Variants in NAV3 observed in about 807,000 individuals in gnomAD.
NAV3 encodes pore membrane and/or filament interacting like protein 1.
NAV3 carries 87 observed loss-of-function variants against 244.7 expected under a neutral mutation model. The ratio of observed to expected loss-of-function variants is 0.36; its 90% CI spans 0.30 to 0.42. The LOEUF is 0.42. Ranked by LOEUF, NAV3 falls within the 20% of genes least tolerant of loss-of-function variation. The pLI is 1.00. For missense variants in NAV3, 2,663 were observed against 2,893.3 expected (o/e 0.92, Z 1.83); for synonymous variants, 1,126 against 1,042.2 (o/e 1.08, Z -1.55).
At chr12:77,620,933 A>T (rs1158248698) in intron 2 of NAV3, among the ~76,000 whole-genome samples, 1 of 152,218 alleles carries the variant, frequency 6.6e-6, no homozygotes, top group East Asian at 1.9e-4. Flanking sequence ...GCTCAGAAAC[A>T]TCGGTGACAT....
intron 5 of NAV3, among the ~76,000 whole-genome samples, chr12:77,980,410 T>C (rs1019981373): frequency 8.5e-5 from 13 of 152,206 alleles, no homozygotes; most frequent in Admixed American, 2.0e-4. Flanking sequence ...TTTATAGATA[T>C]TCATCTTTTA....
chr12:77,949,083 C>T (rs1049917661), intron 3 of NAV3, among the ~76,000 whole-genome samples: 3 of 151,962 alleles, frequency 2.0e-5, no homozygotes, highest in African/African-American at 2.4e-5. Flanking sequence ...AATATATTGA[C>T]ATTCCTTGTT....
chr12:78,133,602 T>TA (rs1214975313), intron 18 of NAV3, among the ~76,000 whole-genome samples: 1 of 151,896 alleles, frequency 6.6e-6, no homozygotes, highest in Non-Finnish European at 1.5e-5. Context: ...AATTTTACTA[T>TA]AAAAAATCAC....
At chr12:77,870,061 G>A (rs1880702542) in intron 1 of NAV3, among the ~76,000 whole-genome samples, 1 of 152,100 alleles carries the variant, frequency 6.6e-6, no homozygotes, top group Non-Finnish European at 1.5e-5. Context: ...AAATGCAAAA[G>A]TAGTTGTATA....
chr12:77,996,978 C>T (rs1471966330), intron 6 of NAV3, among the ~76,000 whole-genome samples: 3 of 152,012 alleles, frequency 2.0e-5, no homozygotes, highest in East Asian at 1.9e-4. Flanking sequence ...CACGGTGGCT[C>T]ACGCCTGTAA....
At chr12:77,793,725 G>T (rs181343984) in intron 2 of NAV3, among the ~76,000 whole-genome samples, 188 of 152,268 alleles carry the variant, frequency 1.2e-3, no homozygotes, top group African/African-American at 4.4e-3. Context: ...GTCTATCATT[G>T]TTGGGCATTT....
intron 1 of NAV3, among the ~76,000 whole-genome samples, chr12:77,907,349 T>C (rs1198213432): frequency 6.6e-6 from 1 of 152,160 alleles, no homozygotes; most frequent in African/African-American, 2.4e-5. Flanking sequence ...TTTGTCTTTC[T>C]ACAGGTTGAA....
chr12:77,925,361 A>C (rs1211905180), intron 1 of NAV3, among the ~76,000 whole-genome samples: 1 of 152,284 alleles, frequency 6.6e-6, no homozygotes, highest in Non-Finnish European at 1.5e-5. Flanking sequence ...TTGTATATAA[A>C]CCGTATAAGT....
At chr12:77,879,107 C>G (rs1592872425) in intron 1 of NAV3, among the ~76,000 whole-genome samples, 1 of 152,042 alleles carries the variant, frequency 6.6e-6, no homozygotes, top group South Asian at 2.1e-4. Flanking sequence ...CCTATGCCAC[C>G]AAATACAGCT....
At chr12:77,598,094 AC>A (rs1368714676) in intron 2 of NAV3, among the ~76,000 whole-genome samples, 5 of 152,220 alleles carry the variant, frequency 3.3e-5, no homozygotes, top group Admixed American at 1.3e-4. Flanking sequence ...AAAAATAGAT[AC>A]CCATATACAT....
At chr12:77,853,025 C>T (rs924906598) in intron 1 of NAV3, among the ~76,000 whole-genome samples, 12 of 152,166 alleles carry the variant, frequency 7.9e-5, no homozygotes, top group African/African-American at 2.9e-4. Context: ...ATAGGCAAGA[C>T]ATATACTCAG....
chr12:77,635,640 T>A (rs1475643474), intron 2 of NAV3, among the ~76,000 whole-genome samples: 1 of 152,214 alleles, frequency 6.6e-6, no homozygotes, highest in Non-Finnish European at 1.5e-5. Flanking sequence ...TCTGGCTTAC[T>A]GAAGAGGCAC....
At chr12:77,951,403 TAA>T (rs1890863724) in intron 3 of NAV3, among the ~76,000 whole-genome samples, 1 of 152,074 alleles carries the variant, frequency 6.6e-6, no homozygotes, top group African/African-American at 2.4e-5. Flanking sequence ...TGGCGATCAT[TAA>T]AAAGTCAGGA....
At chr12:77,929,173 A>G (rs1022504630) in intron 1 of NAV3, among the ~76,000 whole-genome samples, 1 of 152,230 alleles carries the variant, frequency 6.6e-6, no homozygotes, top group African/African-American at 2.4e-5. Context: ...ATCATTAGTA[A>G]TATGTTAGAT....
chr12:78,129,581 T>C (rs544627748), intron 18 of NAV3, among the ~76,000 whole-genome samples: 7 of 152,196 alleles, frequency 4.6e-5, no homozygotes, highest in Admixed American at 2.6e-4. Flanking sequence ...ACAAAATAAT[T>C]AAAGAAAACT....
intron 2 of NAV3, among the ~76,000 whole-genome samples, chr12:77,755,585 C>CCTTTCCTTT (rs1565800367): frequency 2.2e-4 from 3 of 13,532 alleles, no homozygotes; most frequent in African/African-American, 1.5e-3. Context: ...TTCCTTTCCT[C>CCTTTCCTTT]CCTCCCTCCC....
intron 2 of NAV3, among the ~76,000 whole-genome samples, chr12:77,587,056 A>G (rs1384257026): frequency 6.6e-6 from 1 of 152,216 alleles, no homozygotes; most frequent in Non-Finnish European, 1.5e-5. Context: ...ATGTGAAAGT[A>G]ACCAGAAGCT....
chr12:77,907,493 T>A (rs1886113736), intron 1 of NAV3, among the ~76,000 whole-genome samples: 1 of 152,088 alleles, frequency 6.6e-6, no homozygotes, highest in Non-Finnish European at 1.5e-5. Context: ...TTCCTTGTAA[T>A]AATTAGTAAC....
intron 2 of NAV3, among the ~76,000 whole-genome samples, chr12:77,599,544 G>A (rs990017887): frequency 2.0e-5 from 3 of 151,614 alleles, no homozygotes; most frequent in African/African-American, 7.3e-5. Context: ...GATCTCACTG[G>A]TTTAAGATAA....
Sources: gnomAD v4.1 joint callset for allele counts (sites outside exome capture counted in the v4.1 genomes callset) on GRCh38, gnomAD v4.1.1 for gene constraint, MANE v1.5 for transcripts, NCBI Gene and HGNC (gene_info 2026-07-23, HGNC 2026-07-21) for gene names.